The following CLCN1 variants were observed in gnomAD, a reference collection of about 807,000 sequenced individuals.
CLCN1 encodes chloride voltage-gated channel 1.
Under a neutral mutation model 114.5 loss-of-function variants are expected in CLCN1, and 100 were observed. The ratio of observed to expected loss-of-function variants is 0.87; its 90% CI spans 0.74 to 1.03. CLCN1 has a LOEUF of 1.03. Ranked by LOEUF, CLCN1 falls within the 50% of genes least tolerant of loss-of-function variation. CLCN1 has a pLI of 0.00. For missense variants in CLCN1, 1,188 were observed against 1,250.0 expected (o/e 0.95, Z 0.75); for synonymous variants, 485 against 487.1 (o/e 1.00, Z 0.06).
Position 143,345,600 on chromosome 7 carries a change from G to C in CLCN1, c.2010G>C (p.Arg670Ser). 1 of 1,553,682 alleles carries C rather than the reference G, an allele frequency of 6.4e-7. No homozygotes were observed. The highest frequency in any genetic ancestry group is 8.7e-7 in the Non-Finnish European group (1 of 1,148,786). Reference sequence around the variant, plus strand: ...AGCGCCACCTGTGTCCTGAGCGCAGGCTGCGCGCAGCCCAAGAGATGGCGC... The same window carrying C: ...AGCGCCACCTGTGTCCTGAGCGCAGCCTGCGCGCAGCCCAAGAGATGGCGC... ...LLQRHLCPER[R>S]LRAAQEMARK... Residue 670 changes from arginine to serine, a missense_variant, in exon 17 of 23, where the codon AGG becomes AGC. Arg to Ser is a moderately radical substitution (Grantham distance 110). Transcript: ENST00000343257.
Position 143,316,151 on chromosome 7 carries a change from A to T in CLCN1, c.-62A>T. 7.3e-7 allele frequency: 1 copy of T among 1,363,696 alleles called. No homozygotes were observed. Among genetic ancestry groups the T allele is most frequent in the Non-Finnish European group, 1.0e-6 (1 of 957,526 alleles). 84.5% of individuals were successfully genotyped at this position (1,363,696 alleles called of 1,614,324 possible). ...AGCAAGAGCAGAGGCTTAAGGAGCT[A>T]CACTGGGGGAAGGACAGGGGCAAGC... On this transcript the variant is annotated 5_prime_UTR_variant, in exon 1 of 23. Transcript: ENST00000343257.
At chr7:143,336,451 A>G (rs538074036) in intron 12 of CLCN1, among the ~76,000 whole-genome samples, 57 of 152,164 alleles carry the variant, frequency 3.7e-4, no homozygotes, top group Non-Finnish European at 6.3e-4. Context: ...CTCAACTAAA[A>G]ATACAAAAAT....
Position 143,324,567 on chromosome 7 carries a change from C to A in CLCN1, c.853+75C>A. 1 of 1,099,296 alleles carries A rather than the reference C, an allele frequency of 9.1e-7. No individual in the cohort carries two copies. The highest frequency in any genetic ancestry group is 1.3e-5 in the South Asian group (1 of 79,710). 68.1% of individuals were successfully genotyped at this position (1,099,296 alleles called of 1,614,324 possible). On this transcript the variant is annotated intron_variant, in intron 7 of 22. Transcript: ENST00000343257. This position sits in a 1 kb window ranked among gnomAD's most constrained non-coding sequence, Gnocchi z 4.6. ...CCAAAACAGTTTTAATCAGTATCCA[C>A]AAGTGCTGGTATTACCAGGTTACTT...
intron 12 of CLCN1, among the ~76,000 whole-genome samples, chr7:143,335,746 G>A (rs970999496): frequency 2.8e-5 from 4 of 143,970 alleles, no homozygotes; most frequent in South Asian, 2.2e-4. Flanking sequence ...TGCAAGCTCC[G>A]GCTCCCAGGT....
intron 20 of CLCN1, among the ~76,000 whole-genome samples, chr7:143,349,227 C>A (rs1586519917): frequency 6.6e-6 from 1 of 152,198 alleles, no homozygotes; most frequent in African/African-American, 2.4e-5. Flanking sequence ...TACAACACAC[C>A]TGCTAAGTGG....
chr7:143,344,429 T>C (rs767103948), intron 16 of CLCN1, among the ~76,000 whole-genome samples: 1 of 151,906 alleles, frequency 6.6e-6, no homozygotes, highest in Admixed American at 6.6e-5. Flanking sequence ...TTTGGAGTCA[T>C]TAAGATTGTT....
chr7:143,320,717 A>C lies in CLCN1; in HGVS notation c.355A>C (p.Ile119Leu). 6.2e-7 allele frequency: 1 copy of C among 1,613,528 alleles called. No homozygotes were observed. The highest frequency in any genetic ancestry group is 8.5e-7 in the Non-Finnish European group (1 of 1,179,576). The change falls in exon 3 of 23, where the codon ATC becomes CTC. Residue 119 changes from isoleucine (I) to leucine (L), a missense_variant. By Grantham distance (5) the Ile-to-Leu change is conservative. Coordinates refer to ENST00000343257, the MANE Select transcript of CLCN1 (RefSeq NM_000083.3). ...GAGAAGAAAATTAGGGGAAGACGGG[A>C]TCTTTCTGGTGCTTCTGGGACTGCT... ...VVRRKLGEDGIFLVLLGLLMA... is the reference protein window; with the variant it reads ...VVRRKLGEDGLFLVLLGLLMA...
At position 143,331,576 on chromosome 7, in the gene CLCN1, G is replaced by A. The variant is rs147933742; in HGVS notation, c.1090G>A (p.Val364Ile). ...IGICCGLLGA[V>I]FVYLHRQVML... Reference sequence around the variant, plus strand: ...GATTTGCTGTGGGCTCCTGGGAGCTGTATTTGTGTATCTGCATCGCCAAGT... The same window carrying A: ...GATTTGCTGTGGGCTCCTGGGAGCTATATTTGTGTATCTGCATCGCCAAGT... Residue 364 changes from valine to isoleucine, a missense_variant, in exon 10 of 23, where the codon GTA becomes ATA. Physicochemically the swap from Val to Ile is conservative, Grantham distance 29 (BLOSUM62 3). Coordinates refer to ENST00000343257, the MANE Select transcript of CLCN1 (RefSeq NM_000083.3). 1.1e-5 allele frequency: 17 copies of A among 1,614,014 alleles called. No individual in the cohort carries two copies. The highest frequency in any genetic ancestry group is 4.5e-5 in the East Asian group (2 of 44,874).
intron 7 of CLCN1, among the ~76,000 whole-genome samples, chr7:143,327,588 A>G (rs1802608982): frequency 6.6e-6 from 1 of 152,240 alleles, no homozygotes; most frequent in Admixed American, 6.5e-5. Context: ...AAGAGACTGC[A>G]CTGGACAGAG....
chr7:143,335,661 GTT>G (rs367713664), intron 12 of CLCN1, among the ~76,000 whole-genome samples: 1 of 135,288 alleles, frequency 7.4e-6, no homozygotes. Flanking sequence ...CAGCTGTTTT[GTT>G]TTTTTTTTTT....
chr7:143,335,008 T>C (rs1458223951), intron 12 of CLCN1, among the ~76,000 whole-genome samples: 1 of 152,246 alleles, frequency 6.6e-6, no homozygotes, highest in Admixed American at 6.5e-5. Flanking sequence ...GATCTCAGAA[T>C]TGGACGGTAG....
intron 5 of CLCN1, among the ~76,000 whole-genome samples, chr7:143,322,451 G>T (rs1182454935): frequency 6.6e-6 from 1 of 152,146 alleles, no homozygotes; most frequent in Non-Finnish European, 1.5e-5. Flanking sequence ...TTAAAAATGG[G>T]ATCAGTCTCA....
chr7:143,344,471 A>T (rs1351037605), intron 16 of CLCN1, among the ~76,000 whole-genome samples: 1 of 152,192 alleles, frequency 6.6e-6, no homozygotes, highest in African/African-American at 2.4e-5. Context: ...GAATATCCAA[A>T]TTTCTCAAAT....
chr7:143,349,159 G>A (rs113782811), intron 20 of CLCN1, among the ~76,000 whole-genome samples: 1 of 152,278 alleles, frequency 6.6e-6, no homozygotes, highest in African/African-American at 2.4e-5. Flanking sequence ...CAAGAGGACG[G>A]GATGGACCAA....
chr7:143,320,553 TTCTCTCTCTCTC>T (rs59572880), intron 2 of CLCN1, 99 bp from the exon 3 acceptor site: 43 of 674,230 alleles, frequency 6.4e-5, no homozygotes, highest in Non-Finnish European at 9.3e-5. Flanking sequence ...TTAGCTGCTT[TTCTCTCTCTCTC>T]TCTCTCTCTC....
rs1186799841 is a variant in CLCN1 at position 143,324,276 on chromosome 7, A to AG, written c.775-134dup. The stretch of plus-strand genomic sequence containing the variant: ...GAGTTTCTCTTGGCCTGGGAATCAC[A>AG]GGGGACATGGGACCACAAGGACTCC... On this transcript the variant is annotated intron_variant, in intron 6 of 22. Transcript: ENST00000343257. This position sits in a 1 kb window ranked among gnomAD's most constrained non-coding sequence, Gnocchi z 4.6. 7 of 729,496 alleles carry AG rather than the reference A, an allele frequency of 9.6e-6. No homozygotes were observed. Among genetic ancestry groups the AG allele is most frequent in the African/African-American group, 1.7e-5 (1 of 58,104 alleles). 45.2% of individuals were successfully genotyped at this position (729,496 alleles called of 1,614,324 possible).
Position 143,339,144 on chromosome 7 carries a change from T to C in CLCN1, c.1402-109T>C, listed in dbSNP as rs1563083081. The C allele has an allele frequency of 1.2e-6, 1 of 820,514 alleles. No individual in the cohort carries two copies. The highest frequency in any genetic ancestry group is 2.2e-6 in the Non-Finnish European group (1 of 458,502). The allele number at this position is 820,514 out of a possible 1,614,324, so 50.8% of individuals were successfully genotyped here. On this transcript the variant is annotated intron_variant, in intron 12 of 22. Coordinates refer to ENST00000343257, the MANE Select transcript of CLCN1 (RefSeq NM_000083.3). This position sits in a 1 kb window ranked among gnomAD's most constrained non-coding sequence, Gnocchi z 4.1. ...ACAGACAAAGTGACTTTCAGAAGGA[T>C]CAGCTATCCCAGGATTTCTGCAGAA...
In CLCN1 at chr7:143,324,468, T is replaced by TG. The variant is rs140026363; in HGVS notation, c.830dup (p.Cys277TrpfsTer13). On this transcript the variant is annotated frameshift_variant, in exon 7 of 23. Coordinates refer to ENST00000343257, the MANE Select transcript of CLCN1 (RefSeq NM_000083.3). LOFTEE classifies it high-confidence loss of function. This position sits in a 1 kb window ranked among gnomAD's most constrained non-coding sequence, Gnocchi z 4.6. The stretch of plus-strand genomic sequence containing the variant: ...GGTGGGCTGTGCTGTGGGAGTCGGC[T>TG]GTTGTTTTGGGACACCACTTGGAGG... The TG allele has an allele frequency of 3.1e-6, 5 of 1,613,896 alleles. No individual in the cohort carries two copies. In the African/African-American group the frequency reaches 6.7e-5, roughly 22 times the overall value.
chr7:143,334,655 A>T (rs1287269553), intron 12 of CLCN1, among the ~76,000 whole-genome samples: 2 of 152,226 alleles, frequency 1.3e-5, no homozygotes, highest in African/African-American at 4.8e-5. Context: ...GACTAGAGAC[A>T]GCAGATACGT....
Sources: allele counts gnomAD v4.1 joint callset (sites outside exome capture counted in the v4.1 genomes callset), GRCh38; gene constraint gnomAD v4.1.1; non-coding constraint Gnocchi (gnomAD v3.1); transcripts MANE v1.5; gene names NCBI Gene and HGNC (gene_info 2026-07-23, HGNC 2026-07-21).